MARCHF5: variants seen among roughly 807,000 people sequenced by gnomAD.
MARCHF5 encodes the protein E3 ubiquitin-protein ligase MARCHF5.
In MARCHF5, 5 loss-of-function variants were observed where a neutral mutation model predicts 36.5. That is an observed-to-expected ratio of 0.14 (90% CI 0.07 to 0.29). The LOEUF is 0.29. Ranked by LOEUF, MARCHF5 falls within the 10% of genes least tolerant of loss-of-function variation. MARCHF5 has a pLI of 1.00. For synonymous variants in MARCHF5, 103 were observed against 109.9 expected (o/e 0.94, Z 0.39); for missense variants, 179 against 336.3 (o/e 0.53, Z 3.66).
Position 92,340,558 on chromosome 10 carries a change from T to TCTG in MARCHF5, c.239-115_239-114insCTG, listed in dbSNP as rs1843566956. The TCTG allele has an allele frequency of 1.6e-5, 15 of 956,338 alleles. No homozygotes were observed. The South Asian group carries it at 2.7e-4, about 17-fold the overall frequency. The allele number at this position is 956,338 out of a possible 1,614,324, so 59.2% of individuals were successfully genotyped here. On this transcript the variant is annotated intron_variant, in intron 2 of 5. Coordinates refer to ENST00000358935, the MANE Select transcript of MARCHF5 (RefSeq NM_017824.5). Reference sequence around the variant, plus strand: ...CTGCACTATAATCTGGATGACAAAGTGAGACCCTGTGTCTTGTTGGGGGGA... The same window carrying TCTG: ...CTGCACTATAATCTGGATGACAAAGTCTGGAGACCCTGTGTCTTGTTGGGGGGA...
Position 92,349,596 on chromosome 10 carries a change from T to A in MARCHF5, c.553+64T>A, listed in dbSNP as rs1026250554. On this transcript the variant is annotated intron_variant, in intron 4 of 5. Coordinates refer to ENST00000358935, the MANE Select transcript of MARCHF5 (RefSeq NM_017824.5). ...TTGATCTTGAAGAACAATAACATGC[T>A]TTTTTAGCCATGTTTGAAGGTAGTC... The A allele has an allele frequency of 3.1e-6, 5 of 1,593,160 alleles. No individual in the cohort carries two copies. The African/African-American group carries it at 6.7e-5, about 21-fold the overall frequency.
Position 92,291,228 on chromosome 10 carries a change from C to G in MARCHF5, c.-267C>G. On this transcript the variant is annotated 5_prime_UTR_variant, in exon 1 of 6. Coordinates refer to ENST00000358935, the MANE Select transcript of MARCHF5 (RefSeq NM_017824.5). ...GGCGCCCGCGGTCCATGGACCGGAA[C>G]CTCGGGCCGACGGACGGGAACCCGG... 1 of 536,048 alleles carries G rather than the reference C, an allele frequency of 1.9e-6. No individual in the cohort carries two copies. Among genetic ancestry groups the G allele is most frequent in the Non-Finnish European group, 3.3e-6 (1 of 307,644 alleles). The allele number at this position is 536,048 out of a possible 1,614,324, so 33.2% of individuals were successfully genotyped here.
At chr10:92,328,685 T>G (rs1843398648) in intron 2 of MARCHF5, among the ~76,000 whole-genome samples, 1 of 151,506 alleles carries the variant, frequency 6.6e-6, no homozygotes, top group Non-Finnish European at 1.5e-5. Context: ...ATGATAGAAT[T>G]TTTCATTTCC....
chr10:92,347,059 C>T (rs1049521514), intron 3 of MARCHF5, among the ~76,000 whole-genome samples: 1 of 152,126 alleles, frequency 6.6e-6, no homozygotes, highest in African/African-American at 2.4e-5. Flanking sequence ...AATAGAATTT[C>T]TTAGCCAGAC....
chr10:92,325,303 G>A (rs771769421), intron 2 of MARCHF5, among the ~76,000 whole-genome samples: 3 of 152,152 alleles, frequency 2.0e-5, no homozygotes, highest in Non-Finnish European at 2.9e-5. Context: ...TTATTGCACT[G>A]CTGCACTCCA....
intron 3 of MARCHF5, among the ~76,000 whole-genome samples, chr10:92,348,305 A>C (rs1590670402): frequency 6.6e-6 from 1 of 151,862 alleles, no homozygotes; most frequent in African/African-American, 2.4e-5. Flanking sequence ...CCTGGCCAAC[A>C]TGATGAAACC....
intron 1 of MARCHF5, among the ~76,000 whole-genome samples, chr10:92,299,001 G>A (rs569152176): frequency 2.6e-5 from 4 of 151,262 alleles, no homozygotes; most frequent in Admixed American, 2.0e-4. Flanking sequence ...TTTTGGTGGG[G>A]AGGGGGATAG....
At chr10:92,304,029 A>G (rs1044491669) in intron 1 of MARCHF5, among the ~76,000 whole-genome samples, 1 of 152,220 alleles carries the variant, frequency 6.6e-6, no homozygotes, top group Non-Finnish European at 1.5e-5. Flanking sequence ...AAAAGCTACC[A>G]GAAGGGTAAT....
intron 1 of MARCHF5, among the ~76,000 whole-genome samples, chr10:92,309,690 A>G (rs1485082754): frequency 1.3e-5 from 2 of 152,108 alleles, no homozygotes; most frequent in African/African-American, 2.4e-5. Flanking sequence ...TTTATGCAAA[A>G]ATCATAGGTT....
At chr10:92,311,957 A>G (rs1183723492) in intron 2 of MARCHF5, among the ~76,000 whole-genome samples, 1 of 152,228 alleles carries the variant, frequency 6.6e-6, no homozygotes, top group Non-Finnish European at 1.5e-5. Flanking sequence ...TAGCAGCAGT[A>G]TAACTAAGGC....
chr10:92,292,425 C>T (rs905099359), intron 1 of MARCHF5, among the ~76,000 whole-genome samples: 4 of 152,172 alleles, frequency 2.6e-5, no homozygotes, highest in Non-Finnish European at 4.4e-5. Context: ...ACACCACTTG[C>T]CACCCATTTC....
At chr10:92,314,318 G>C (rs1480691212) in intron 2 of MARCHF5, among the ~76,000 whole-genome samples, 1 of 152,122 alleles carries the variant, frequency 6.6e-6, no homozygotes, top group Admixed American at 6.6e-5. Context: ...TAAAATCATA[G>C]ATATGTTTTA....
intron 2 of MARCHF5, among the ~76,000 whole-genome samples, chr10:92,332,875 C>T (rs1001690536): frequency 2.5e-4 from 38 of 149,252 alleles, no homozygotes; most frequent in African/African-American, 8.8e-4. Flanking sequence ...ATAAAATTCA[C>T]ATTTGTTGGC....
At chr10:92,306,739 C>T (rs1237238005) in intron 1 of MARCHF5, among the ~76,000 whole-genome samples, 4 of 152,064 alleles carry the variant, frequency 2.6e-5, no homozygotes, top group Non-Finnish European at 5.9e-5. Context: ...GATGGGCAGG[C>T]GCAGTGGCTC....
intron 5 of MARCHF5, among the ~76,000 whole-genome samples, chr10:92,350,451 T>C (rs1843703252): frequency 6.6e-6 from 1 of 152,210 alleles, no homozygotes; most frequent in South Asian, 2.1e-4. Flanking sequence ...CCCTGAGCTT[T>C]ACACAGCCCT....
chr10:92,349,078 C>T lies in MARCHF5; in HGVS notation c.370-271C>T, dbSNP rs554001411. On this transcript the variant is annotated intron_variant, in intron 3 of 5. Coordinates refer to ENST00000358935, the MANE Select transcript of MARCHF5 (RefSeq NM_017824.5). ...AATAGAAGCAACAATCAGAGGTCCC[C>T]GCCCCTCTATTGTAATGTAATCAGT... Among the ~76,000 whole-genome samples the T allele has an allele frequency of 9.9e-5, 15 of 152,252 alleles. No individual in the cohort carries two copies. In the South Asian group the frequency reaches 1.7e-3, roughly 17 times the overall value.
chr10:92,328,176 A>T (rs942288560), intron 2 of MARCHF5, among the ~76,000 whole-genome samples: 1 of 151,636 alleles, frequency 6.6e-6, no homozygotes, highest in Non-Finnish European at 1.5e-5. Flanking sequence ...GAGGAGTGTA[A>T]GGAGACATGA....
chr10:92,322,812 A>G (rs2135197461), intron 2 of MARCHF5, among the ~76,000 whole-genome samples: 1 of 150,424 alleles, frequency 6.6e-6, no homozygotes, highest in African/African-American at 2.5e-5. Flanking sequence ...ATCTCAGCTC[A>G]CTGCAACCTC....
At chr10:92,310,483 AC>A (rs1242715127) in intron 1 of MARCHF5, among the ~76,000 whole-genome samples, 2 of 151,884 alleles carry the variant, frequency 1.3e-5, no homozygotes, top group African/African-American at 2.4e-5. Flanking sequence ...TAATATAAGC[AC>A]CCCAGACTTG....
Sources: allele counts gnomAD v4.1 joint callset (sites outside exome capture counted in the v4.1 genomes callset), GRCh38; gene constraint gnomAD v4.1.1; transcripts MANE v1.5; gene names NCBI Gene and HGNC (gene_info 2026-07-23, HGNC 2026-07-21).